Variants in TTBK1 observed in about 807,000 individuals in gnomAD.
TTBK1 encodes the protein tau tubulin kinase 1.
Under a neutral mutation model 108.5 loss-of-function variants are expected in TTBK1, and 34 were observed. The observed-to-expected ratio is 0.31, with a 90% CI of 0.24 to 0.42. TTBK1 has a LOEUF of 0.42. Among genes scored for constraint, TTBK1 ranks in the 10% least tolerant of loss-of-function variants. TTBK1 has a pLI of 1.00. For missense variants in TTBK1, 1,539 were observed against 1,826.0 expected, an observed-to-expected ratio of 0.84 and a Z score of 2.86; for synonymous variants, 809 against 795.1, an observed-to-expected ratio of 1.02 and a Z score of -0.29.
chr6:43,269,826 G>A lies in TTBK1; in HGVS notation c.1986+6476G>A. The A allele has an allele frequency of 1.3e-6, 2 of 1,538,246 alleles. No homozygotes were observed. The highest frequency in any genetic ancestry group is 1.7e-6 in the Non-Finnish European group (2 of 1,147,584). On this transcript the variant is annotated intron_variant, in intron 13 of 14. Coordinates refer to ENST00000259750, the MANE Select transcript of TTBK1 (RefSeq NM_032538.3). This position sits in a 1 kb window ranked among gnomAD's most constrained non-coding sequence, Gnocchi z 4.8. The stretch of plus-strand genomic sequence containing the variant: ...CAGCCGCTCGGCTGAGAGCAGCCCT[G>A]TGCGGGCGCCCCACCGGCGCCACGC...
chr6:43,280,755 A>C (rs890479186), intron 13 of TTBK1, among the ~76,000 whole-genome samples: 1 of 152,158 alleles, frequency 6.6e-6, no homozygotes, highest in Non-Finnish European at 1.5e-5. Flanking sequence ...AGAATAAGTA[A>C]ATCTGCTTGG....
intron 13 of TTBK1, chr6:43,270,235 T>A: frequency 1.0e-5 from 13 of 1,241,350 alleles, no homozygotes; most frequent in Non-Finnish European, 1.3e-5. Flanking sequence ...GCAGGGGCGC[T>A]CAGCTGGAGC....
intron 6 of TTBK1, 57 bp from the exon 7 acceptor site, chr6:43,254,992 G>A (rs539518719): frequency 6.5e-6 from 10 of 1,527,880 alleles, no homozygotes; most frequent in Non-Finnish European, 9.1e-6. Flanking sequence ...GCAGGGTTGA[G>A]AGGTGGCTGA....
intron 13 of TTBK1, among the ~76,000 whole-genome samples, chr6:43,274,222 T>A (rs1388308138): frequency 6.6e-6 from 1 of 152,162 alleles, no homozygotes; most frequent in Non-Finnish European, 1.5e-5. Flanking sequence ...ACCGCTAACA[T>A]CCTGAACCCA....
chr6:43,264,042 G>T (rs1039219642), intron 13 of TTBK1, among the ~76,000 whole-genome samples: 1 of 152,070 alleles, frequency 6.6e-6, no homozygotes, highest in African/African-American at 2.4e-5. Context: ...CTCGTGTCTC[G>T]GCTGATGCCC....
intron 2 of TTBK1, among the ~76,000 whole-genome samples, chr6:43,248,715 T>G (rs1777163232): frequency 6.6e-6 from 1 of 151,944 alleles, no homozygotes; most frequent in Non-Finnish European, 1.5e-5. Context: ...AGAGCAAGAC[T>G]CCTCCTCTAA....
Position 43,263,217 on chromosome 6 carries a change from C to A in TTBK1, c.1853C>A (p.Pro618His). Residue 618 changes from proline (P) to histidine (H), a missense_variant, in exon 13 of 15, where the codon CCC becomes CAC. Transcript: ENST00000259750. This position sits in a 1 kb window ranked among gnomAD's most constrained non-coding sequence, Gnocchi z 4.7. ...CATTTGCCGCCCCAGCCCCTGCCAC[C>A]CCAGCTGAGCCAGGGCGATGGCCGT... ...LQHLPPQPLP[P>H]QLSQGDGRSE... The A allele has an allele frequency of 6.3e-7, 1 of 1,578,184 alleles. No individual in the cohort carries two copies. Among genetic ancestry groups the A allele is most frequent in the Non-Finnish European group, 8.6e-7 (1 of 1,161,754 alleles).
At chr6:43,272,322 A>T (rs1440291447) in intron 13 of TTBK1, 2 of 985,336 alleles carry the variant, frequency 2.0e-6, no homozygotes, top group East Asian at 2.3e-4. Flanking sequence ...ACCCTGAGGT[A>T]CTCTAAGATC....
rs551014166 is a variant in TTBK1, at chr6:43,273,592, T to C, written c.1987-9135T>C. 6.6e-6 allele frequency among the ~76,000 whole-genome samples: 1 copy of C among 152,218 alleles called. No individual in the cohort carries two copies. The highest frequency in any genetic ancestry group is 1.5e-5 in the Non-Finnish European group (1 of 68,018). On this transcript the variant is annotated intron_variant, in intron 13 of 14. Coordinates refer to ENST00000259750, the MANE Select transcript of TTBK1 (RefSeq NM_032538.3). The surrounding 1 kb of genome is among the most constrained non-coding windows in gnomAD (Gnocchi z 4.2). Reference sequence around the variant, plus strand: ...CACAGACGGGGAAGACACTGGCATCTGTGAACACCGAATGGGTGTCACCAA... The same window carrying C: ...CACAGACGGGGAAGACACTGGCATCCGTGAACACCGAATGGGTGTCACCAA...
chr6:43,284,461 C>T, intron 14 of TTBK1, 149 bp downstream of exon 14: 1 of 1,352,932 alleles, frequency 7.4e-7, no homozygotes, highest in South Asian at 1.7e-5. Context: ...CAACTGTGCT[C>T]TGCCTCACTC....
chr6:43,255,991 A>G, intron 9 of TTBK1, 135 bp downstream of exon 9: 1 of 1,072,146 alleles, frequency 9.3e-7, no homozygotes, highest in Non-Finnish European at 1.4e-6. Flanking sequence ...TTCTAACTGC[A>G]CTAAAGGCAT....
chr6:43,257,835 C>T lies in TTBK1; in HGVS notation c.885C>T (p.Asn295=). 1 of 1,613,878 alleles carries T rather than the reference C, an allele frequency of 6.2e-7. No individual in the cohort carries two copies. Among genetic ancestry groups the T allele is most frequent in the Non-Finnish European group, 8.5e-7 (1 of 1,179,930 alleles). Residue 295 remains asparagine, a synonymous_variant, in exon 10 of 15, where the codon AAC becomes AAT. Coordinates refer to ENST00000259750, the MANE Select transcript of TTBK1 (RefSeq NM_032538.3). This position sits in a 1 kb window ranked among gnomAD's most constrained non-coding sequence, Gnocchi z 4.5. ...DYQLIMSVFE[N]SMKERGIAEN... ...AGTTGATCATGTCAGTGTTTGAGAA[C>T]AGCATGAAGGAGAGGGGCATTGCCG... is the stretch of plus-strand genomic sequence containing the variant.
In TTBK1 at chr6:43,269,991, G is replaced by C. The variant is rs905447578; in HGVS notation, c.1986+6641G>C. On this transcript the variant is annotated intron_variant, in intron 13 of 14. Coordinates refer to ENST00000259750, the MANE Select transcript of TTBK1 (RefSeq NM_032538.3). The surrounding 1 kb of genome is among the most constrained non-coding windows in gnomAD (Gnocchi z 4.8). ...CTCCTGGAGGGGGCAGGTGGGGGGG[G>C]GTGGGGAGCAGGCAGAGGACCATGG... is the stretch of plus-strand genomic sequence containing the variant. 3.5e-6 allele frequency: 5 copies of C among 1,429,234 alleles called. No homozygotes were observed. The East Asian group carries it at 1.3e-4, about 37-fold the overall frequency. 88.5% of individuals were successfully genotyped at this position (1,429,234 alleles called of 1,614,324 possible).
At position 43,246,698 on chromosome 6, in the gene TTBK1, A is replaced by G; in HGVS notation, c.38A>G (p.Asn13Ser). ...CLAAALKDET[N>S]MSGGGEQADI... is the part of the protein sequence containing the mutation. Reference sequence around the variant, plus strand: ...GCGGCCGCCCTTAAGGACGAAACCAACATGAGTGGGGGAGGGGAGCAGGCC... The same window carrying G: ...GCGGCCGCCCTTAAGGACGAAACCAGCATGAGTGGGGGAGGGGAGCAGGCC... The change falls in exon 2 of 15, where the codon AAC (asparagine) becomes AGC (serine). Residue 13 changes from asparagine (N) to serine (S), a missense_variant. Physicochemically the swap from Asn to Ser is conservative, Grantham distance 46. This residue lies in a region of TTBK1 where 45 missense variants were observed against 38.0 expected (regional missense o/e 1.19). Transcript: ENST00000259750. 6.2e-7 allele frequency: 1 copy of G among 1,612,128 alleles called. No homozygotes were observed. Among genetic ancestry groups the G allele is most frequent in the South Asian group, 1.1e-5 (1 of 90,874 alleles).
In TTBK1 at chr6:43,265,016, A is replaced by G. The variant is rs921918228; in HGVS notation, c.1986+1666A>G. Among the ~76,000 whole-genome samples the G allele has an allele frequency of 1.2e-4, 19 of 152,234 alleles. No homozygotes were observed. The highest frequency in any genetic ancestry group is 4.3e-4 in the African/African-American group (18 of 41,462). On this transcript the variant is annotated intron_variant, in intron 13 of 14. Transcript: ENST00000259750. This position sits in a 1 kb window ranked among gnomAD's most constrained non-coding sequence, Gnocchi z 4.1. ...ACAAGGACAGGGTGTCAGAATAGGC[A>G]GAGAGCCACTGGCCTGACCAGGCTT...
At chr6:43,244,520 G>A (rs748426078) in intron 1 of TTBK1, among the ~76,000 whole-genome samples, 34 of 152,208 alleles carry the variant, frequency 2.2e-4, no homozygotes, top group Non-Finnish European at 4.1e-4. Flanking sequence ...TGAGGCGGCA[G>A]TAACGGGGCA....
Position 43,283,045 on chromosome 6 carries a change from G to A in TTBK1, c.2305G>A (p.Glu769Lys), listed in dbSNP as rs1174086140. The A allele has an allele frequency of 2.5e-6, 4 of 1,591,032 alleles. No individual in the cohort carries two copies. The highest frequency in any genetic ancestry group is 1.3e-5 in the African/African-American group (1 of 74,306). ...EEEEEEEEEEEEEAAAAVALG... is the reference protein window; with the variant it reads ...EEEEEEEEEEKEEAAAAVALG... ...GGAAGAAGAGGAGGAGGAGGAAGAGGAGGAGGAGGCTGCAGCGGCAGTTGC... is the reference window on the plus strand; with the variant it reads ...GGAAGAAGAGGAGGAGGAGGAAGAGAAGGAGGAGGCTGCAGCGGCAGTTGC... Residue 769 changes from glutamate (E) to lysine (K), a missense_variant, in exon 14 of 15, where the codon GAG (glutamate) becomes AAG (lysine). Transcript: ENST00000259750. The surrounding 1 kb of genome is among the most constrained non-coding windows in gnomAD (Gnocchi z 8.1).
rs755742579 is a variant in TTBK1 at position 43,284,304 on chromosome 6, C to G, written c.3564C>G (p.Ile1188Met). The G allele has an allele frequency of 6.4e-7, 1 of 1,563,730 alleles. No homozygotes were observed. The highest frequency in any genetic ancestry group is 8.6e-7 in the Non-Finnish European group (1 of 1,156,516). ...HGAAPALDTA[I>M]TSRLQLQTPP... ...CGGCCCCAGCATTGGACACAGCCAT[C>G]ACCAGCAGGTGAGAAACCGCTGCCA... is the stretch of plus-strand genomic sequence containing the variant. The change falls in exon 14 of 15, where the codon ATC (isoleucine) becomes ATG (methionine). Residue 1188 changes from isoleucine (I) to methionine (M), a missense_variant. Transcript: ENST00000259750.
In TTBK1 at chr6:43,257,912, C is replaced by G; in HGVS notation, c.962C>G (p.Thr321Arg). The change falls in exon 10 of 15, where the codon ACG (threonine) becomes AGG (arginine). Residue 321 changes from threonine to arginine, a missense_variant. Around this residue, in one of 5 missense-constraint regions of TTBK1, gnomAD observed 277 missense variants for 332.4 expected, o/e 0.83. Coordinates refer to ENST00000259750, the MANE Select transcript of TTBK1 (RefSeq NM_032538.3). This position sits in a 1 kb window ranked among gnomAD's most constrained non-coding sequence, Gnocchi z 4.5. ...GCAGGCACCGATGCCCTCCTGTCCA[C>G]GAGCACCTCTACCCCGCCCCAGCAG... ...EKAGTDALLS[T>R]STSTPPQQNT... 1.9e-6 allele frequency: 3 copies of G among 1,613,964 alleles called. No individual in the cohort carries two copies. Among genetic ancestry groups the G allele is most frequent in the Non-Finnish European group, 2.5e-6 (3 of 1,180,004 alleles).
Sources: gnomAD v4.1 joint callset for allele counts (sites outside exome capture counted in the v4.1 genomes callset) on GRCh38, gnomAD v4.1.1 for gene constraint, gnomAD v4.1.1 regional missense constraint, Gnocchi (gnomAD v3.1) non-coding constraint, MANE v1.5 for transcripts, NCBI Gene and HGNC (gene_info 2026-07-23, HGNC 2026-07-21) for gene names.